The following CDKAL1 variants were observed in gnomAD, a reference collection of about 807,000 sequenced individuals.
The protein encoded by CDKAL1 is CDKAL1 threonylcarbamoyladenosine tRNA methylthiotransferase, also known as threonylcarbamoyladenosine tRNA methylthiotransferase.
A neutral mutation model predicts 68.2 loss-of-function variants in CDKAL1; 32 were observed. The ratio of observed to expected loss-of-function variants is 0.47; its 90% confidence interval spans 0.35 to 0.63. CDKAL1 has a LOEUF of 0.63. Ranked by LOEUF, CDKAL1 falls within the 30% of genes least tolerant of loss-of-function variation. CDKAL1 has a pLI of 0.00. For missense variants in CDKAL1, 606 were observed against 696.7 expected, an observed-to-expected ratio of 0.87 and a Z score of 1.47; for synonymous variants, 234 against 244.3, an observed-to-expected ratio of 0.96 and a Z score of 0.39.
intron 8 of CDKAL1, among the ~76,000 whole-genome samples, chr6:20,832,614 C>G (rs1777765125): frequency 6.6e-6 from 1 of 152,078 alleles, no homozygotes; most frequent in African/African-American, 2.4e-5. Flanking sequence ...TGTGATCACG[C>G]CACTGCATTC....
rs756883799 is a variant in CDKAL1, at chr6:20,616,839, CCACACACA to C, written c.287-32418_287-32411del. 2.6e-3 allele frequency among the ~76,000 whole-genome samples: 321 copies of C among 121,390 alleles called. 1 individual carries two copies. Among genetic ancestry groups the C allele is most frequent in the African/African-American group, 5.2e-3 (164 of 31,270 alleles). The allele number at this position is 121,390 out of a possible 152,430, so 79.6% of individuals were successfully genotyped here. ...ACAGCATGGCGAAACCCCGACTCTA[CCACACACA>C]CACACACACACACACACACACACAC... On this transcript the variant is annotated intron_variant, in intron 4 of 15. Transcript: ENST00000274695.
In CDKAL1 at chr6:20,741,164, A is replaced by C. The variant is rs778028511; in HGVS notation, c.468+1549A>C. Among the ~76,000 whole-genome samples, 3 of 152,042 alleles carry C rather than the reference A, an allele frequency of 2.0e-5. No individual in the cohort carries two copies. The East Asian group carries it at 5.8e-4, about 29-fold the overall frequency. ...AGATTCTCCAGATGCAGTGTAAGGG[A>C]GGACACTTAGTGCTATTAATATGAG... On this transcript the variant is annotated intron_variant, in intron 6 of 15. Transcript: ENST00000274695.
At chr6:20,638,793 C>A (rs1211966821) in intron 4 of CDKAL1, among the ~76,000 whole-genome samples, 1 of 151,280 alleles carries the variant, frequency 6.6e-6, no homozygotes. Context: ...GCCACCATGC[C>A]CAGCTAATTT....
At chr6:21,003,532 C>T (rs2150825441) in intron 11 of CDKAL1, among the ~76,000 whole-genome samples, 1 of 150,376 alleles carries the variant, frequency 6.6e-6, no homozygotes, top group Admixed American at 6.6e-5. Flanking sequence ...TGCCACTGCA[C>T]TCCAGCCTGG....
chr6:20,859,644 G>A (rs1159604343), intron 9 of CDKAL1, among the ~76,000 whole-genome samples: 1 of 152,192 alleles, frequency 6.6e-6, no homozygotes. Flanking sequence ...AAAAATGATG[G>A]TGAGTATGAG....
chr6:20,858,182 A>C (rs1759435889), intron 9 of CDKAL1, among the ~76,000 whole-genome samples: 1 of 152,158 alleles, frequency 6.6e-6, no homozygotes, highest in East Asian at 1.9e-4. Flanking sequence ...TTTAAAATAC[A>C]GATTTCCAGG....
At chr6:20,979,189 T>A (rs1348138001) in intron 10 of CDKAL1, among the ~76,000 whole-genome samples, 2 of 152,218 alleles carry the variant, frequency 1.3e-5, no homozygotes, top group East Asian at 1.9e-4. Flanking sequence ...AAAAATTGTG[T>A]GTCTGTGTAT....
intron 11 of CDKAL1, among the ~76,000 whole-genome samples, chr6:21,001,865 TA>T (rs1767443354): frequency 6.6e-6 from 1 of 152,322 alleles, no homozygotes; most frequent in African/African-American, 2.4e-5. Flanking sequence ...CAGTAGCCAA[TA>T]AAAACTTGAT....
intron 8 of CDKAL1, among the ~76,000 whole-genome samples, chr6:20,783,521 T>G (rs906088434): frequency 2.0e-5 from 3 of 152,206 alleles, no homozygotes; most frequent in Non-Finnish European, 4.4e-5. Flanking sequence ...CTGTCTTGAC[T>G]GCAGGCCTCC....
intron 6 of CDKAL1, among the ~76,000 whole-genome samples, chr6:20,748,749 G>A (rs1284155169): frequency 4.6e-5 from 7 of 151,846 alleles, no homozygotes; most frequent in East Asian, 3.9e-4. Context: ...ACACACTGGG[G>A]AAAGGATAGT....
intron 13 of CDKAL1, among the ~76,000 whole-genome samples, chr6:21,194,090 C>T (rs1278387487): frequency 6.6e-6 from 1 of 152,170 alleles, no homozygotes; most frequent in Non-Finnish European, 1.5e-5. Context: ...TGTGAACTTA[C>T]CCATTCCCTC....
chr6:21,199,993 A>G (rs1778625100), intron 14 of CDKAL1, among the ~76,000 whole-genome samples: 1 of 152,190 alleles, frequency 6.6e-6, no homozygotes, highest in African/African-American at 2.4e-5. Flanking sequence ...TGTCTCTATA[A>G]CTAAGCATAT....
chr6:20,927,045 C>T (rs1434384417), intron 9 of CDKAL1, among the ~76,000 whole-genome samples: 1 of 151,594 alleles, frequency 6.6e-6, no homozygotes, highest in Non-Finnish European at 1.5e-5. Flanking sequence ...TAAGAAATGT[C>T]AAGAGAAATA....
At chr6:20,745,945 T>G (rs1277236995) in intron 6 of CDKAL1, among the ~76,000 whole-genome samples, 1 of 152,234 alleles carries the variant, frequency 6.6e-6, no homozygotes, top group East Asian at 1.9e-4. Context: ...ACTTTTTAAA[T>G]TATCTTTTAA....
In CDKAL1 at chr6:20,648,703, G is replaced by A. The variant is rs573415924; in HGVS notation, c.287-590G>A. The stretch of plus-strand genomic sequence containing the variant: ...GGCAACTGAAGTATGCAAGAGGCAG[G>A]TGGAATAGTAGCAACTTTAGGTATT... On this transcript the variant is annotated intron_variant, in intron 4 of 15. Transcript: ENST00000274695. Among the ~76,000 whole-genome samples, 3 of 152,306 alleles carry A rather than the reference G, an allele frequency of 2.0e-5. No individual in the cohort carries two copies. In the South Asian group the frequency reaches 6.2e-4, roughly 32 times the overall value.
intron 13 of CDKAL1, among the ~76,000 whole-genome samples, chr6:21,160,671 G>GTGTC (rs147426573): frequency 0.24 from 32,278 of 134,990 alleles, 4,436 homozygotes; most frequent in African/African-American, 0.3. Context: ...GTGTGTGTGT[G>GTGTC]TGTGTGTCTG....
intron 4 of CDKAL1, among the ~76,000 whole-genome samples, chr6:20,603,753 A>C (rs1380437292): frequency 6.8e-6 from 1 of 147,146 alleles, no homozygotes; most frequent in Non-Finnish European, 1.5e-5. Context: ...ACATTGATTA[A>C]TGGGCAGTTG....
intron 7 of CDKAL1, among the ~76,000 whole-genome samples, chr6:20,767,434 A>T (rs1252075105): frequency 1.3e-5 from 2 of 152,124 alleles, no homozygotes; most frequent in African/African-American, 4.8e-5. Flanking sequence ...TAAAGCTTTG[A>T]TAGGACATAG....
At chr6:21,140,713 G>T (rs757368102) in intron 13 of CDKAL1, among the ~76,000 whole-genome samples, 8 of 152,164 alleles carry the variant, frequency 5.3e-5, no homozygotes, top group Non-Finnish European at 1.2e-4. Flanking sequence ...TGTGCTCACA[G>T]TACCGCTAGC....
Sources: allele counts gnomAD v4.1 joint callset (sites outside exome capture counted in the v4.1 genomes callset), GRCh38; gene constraint gnomAD v4.1.1; transcripts MANE v1.5; gene names NCBI Gene and HGNC (gene_info 2026-07-23, HGNC 2026-07-21).